Variants in DPH6 observed in about 807,000 individuals in gnomAD.
DPH6 encodes the protein diphthamine biosynthesis 6.
In DPH6, 33 loss-of-function variants were observed where a neutral mutation model predicts 38.2. The ratio of observed to expected loss-of-function variants is 0.86; its 90% CI spans 0.65 to 1.15. The LOEUF is 1.15. Among genes scored for constraint, DPH6 ranks in the 50% most tolerant of loss-of-function variants. The pLI is 0.00. For synonymous variants in DPH6, 108 were observed against 103.0 expected (o/e 1.05, Z -0.30); for missense variants, 325 against 320.0 (o/e 1.02, Z -0.12).
At chr15:35,440,672 G>A (rs924317823) in intron 5 of DPH6, among the ~76,000 whole-genome samples, 1 of 152,186 alleles carries the variant, frequency 6.6e-6, no homozygotes, top group African/African-American at 2.4e-5. Context: ...AAGGGAACCC[G>A]CACAGGGTCT....
intron 3 of DPH6, among the ~76,000 whole-genome samples, chr15:35,460,974 T>C (rs1451298219): frequency 1.3e-5 from 2 of 149,388 alleles, no homozygotes; most frequent in African/African-American, 2.4e-5. Flanking sequence ...AGAACAGTTA[T>C]ACCAAGAATT....
chr15:35,431,798 T>G (rs899965184), intron 5 of DPH6, among the ~76,000 whole-genome samples: 23 of 152,318 alleles, frequency 1.5e-4, no homozygotes, highest in African/African-American at 5.1e-4. Flanking sequence ...GCAAAGTTTT[T>G]TTTTTTGGAG....
chr15:35,172,494 A>G, the DPH6 span, among the ~76,000 whole-genome samples: 1 of 152,222 alleles, frequency 6.6e-6, no homozygotes, highest in Non-Finnish European at 1.5e-5. Flanking sequence ...CTTGCATGTC[A>G]TGTAGCTATA....
intron 3 of DPH6, among the ~76,000 whole-genome samples, chr15:35,229,086 T>A (rs904858302): frequency 3.9e-5 from 6 of 152,186 alleles, no homozygotes; most frequent in African/African-American, 1.4e-4. Flanking sequence ...GATATTGATA[T>A]CTTCCCCTAT....
chr15:35,364,857 A>G (rs775240048), intron 3 of DPH6, among the ~76,000 whole-genome samples: 16 of 151,970 alleles, frequency 1.1e-4, no homozygotes, highest in Admixed American at 2.0e-4. Flanking sequence ...TAAACATTGC[A>G]TCTTCCCCAT....
At chr15:35,359,914 C>T (rs982230035) in intron 3 of DPH6, among the ~76,000 whole-genome samples, 2 of 151,958 alleles carry the variant, frequency 1.3e-5, no homozygotes, top group Non-Finnish European at 2.9e-5. Flanking sequence ...CATGTATTGT[C>T]TTCCTGGCTT....
chr15:35,433,618 T>C (rs1308251315), intron 5 of DPH6, among the ~76,000 whole-genome samples: 1 of 152,200 alleles, frequency 6.6e-6, no homozygotes, highest in Non-Finnish European at 1.5e-5. Flanking sequence ...ATAATAAATA[T>C]ACATGTTGTG....
intron 3 of DPH6, among the ~76,000 whole-genome samples, chr15:35,320,591 C>T (rs2052231907): frequency 6.6e-6 from 1 of 152,204 alleles, no homozygotes; most frequent in Admixed American, 6.5e-5. Flanking sequence ...GCTTCCCAGA[C>T]ACAGCCTATT....
At chr15:35,320,119 CT>C (rs1013551442) in intron 3 of DPH6, among the ~76,000 whole-genome samples, 7 of 150,564 alleles carry the variant, frequency 4.6e-5, no homozygotes, top group Admixed American at 6.6e-5. Flanking sequence ...ATTTTCATGG[CT>C]TTTTTTTTCA....
intron 3 of DPH6, among the ~76,000 whole-genome samples, chr15:35,284,742 A>T (rs2051928220): frequency 6.9e-6 from 1 of 145,502 alleles, no homozygotes; most frequent in African/African-American, 2.5e-5. Flanking sequence ...CTTCTGTATT[A>T]AAAAAAAAAG....
intron 5 of DPH6, among the ~76,000 whole-genome samples, chr15:35,411,153 T>G (rs1041095755): frequency 6.6e-6 from 1 of 151,726 alleles, no homozygotes; most frequent in Non-Finnish European, 1.5e-5. Flanking sequence ...TTGTTTCAAT[T>G]CCTTTATCCA....
chr15:35,156,518 G>A, the DPH6 span, among the ~76,000 whole-genome samples: 13 of 152,016 alleles, frequency 8.6e-5, no homozygotes, highest in Non-Finnish European at 1.5e-4. Flanking sequence ...TGGGAGTGGC[G>A]GGGGTAAAGG....
At chr15:35,173,875 T>G in the DPH6 span, among the ~76,000 whole-genome samples, 1 of 152,150 alleles carries the variant, frequency 6.6e-6, no homozygotes, top group Non-Finnish European at 1.5e-5. Flanking sequence ...TTGCTGACCA[T>G]CCCTTGGTCT....
the DPH6 span, among the ~76,000 whole-genome samples, chr15:35,181,519 G>A: frequency 6.6e-6 from 1 of 151,452 alleles, no homozygotes; most frequent in Non-Finnish European, 1.5e-5. Context: ...TTAATAGAAT[G>A]TGACTTTAGT....
intron 3 of DPH6, among the ~76,000 whole-genome samples, chr15:35,267,819 T>C (rs536344615): frequency 1.7e-3 from 259 of 152,298 alleles, no homozygotes; most frequent in Middle Eastern, 0.01. Context: ...ATCCTAGTGC[T>C]ACCAATATAA....
At chr15:35,341,988 G>C (rs190558409) in intron 3 of DPH6, among the ~76,000 whole-genome samples, 39 of 152,338 alleles carry the variant, frequency 2.6e-4, no homozygotes, top group African/African-American at 7.5e-4. Context: ...CCAAACTGCA[G>C]AGATGGTAGC....
At chr15:35,300,832 C>T (rs1047375327) in intron 3 of DPH6, among the ~76,000 whole-genome samples, 2 of 152,158 alleles carry the variant, frequency 1.3e-5, no homozygotes, top group Non-Finnish European at 2.9e-5. Flanking sequence ...TGTAAGCTTA[C>T]AGGCACACAT....
At chr15:35,459,665 T>C (rs2054038830) in intron 3 of DPH6, among the ~76,000 whole-genome samples, 1 of 152,092 alleles carries the variant, frequency 6.6e-6, no homozygotes, top group Admixed American at 6.6e-5. Context: ...AGAAGAGGGC[T>C]GAGTGGAAGA....
intron 3 of DPH6, among the ~76,000 whole-genome samples, chr15:35,317,291 A>G (rs528231795): frequency 6.6e-6 from 1 of 151,034 alleles, no homozygotes; most frequent in Non-Finnish European, 1.5e-5. Flanking sequence ...GAGAGAGAGA[A>G]AGAAAGAAGG....
Sources: gnomAD v4.1 joint callset for allele counts (sites outside exome capture counted in the v4.1 genomes callset) on GRCh38, gnomAD v4.1.1 for gene constraint, MANE v1.5 for transcripts, NCBI Gene and HGNC (gene_info 2026-07-23, HGNC 2026-07-21) for gene names.